VWA3B: variants seen among roughly 807,000 people sequenced by gnomAD.
The protein encoded by VWA3B is von Willebrand factor A domain-containing protein 3B.
Under a neutral mutation model 158.3 loss-of-function variants are expected in VWA3B, and 138 were observed. That is an observed-to-expected ratio of 0.87 (90% CI 0.76 to 1.00). The LOEUF (loss-of-function observed/expected upper bound fraction) is 1.00. Ranked by LOEUF, VWA3B falls within the 50% of genes least tolerant of loss-of-function variation. The probability of loss-of-function intolerance (pLI) is 0.00; values close to 1 mark genes in which losing one functional copy is unlikely to be tolerated. For missense variants in VWA3B, 1,555 were observed against 1,565.1 expected, an observed-to-expected ratio of 0.99 and a Z score of 0.11; for synonymous variants, 596 against 587.3, an observed-to-expected ratio of 1.01 and a Z score of -0.21.
At chr2:98,154,653 C>T (rs923061450) in intron 7 of VWA3B, among the ~76,000 whole-genome samples, 4 of 152,212 alleles carry the variant, frequency 2.6e-5, no homozygotes, top group African/African-American at 9.6e-5. Context: ...TCAGCCAGTG[C>T]AATCAGCTCC....
intron 22 of VWA3B, 30 bp from the exon 23 acceptor site, chr2:98,290,481 C>T (rs528470749): frequency 6.7e-7 from 1 of 1,501,718 alleles, no homozygotes; most frequent in South Asian, 1.3e-5. Flanking sequence ...CACTTTTTCT[C>T]ATCAATTATT....
chr2:98,183,628 C>A (rs1383702607), intron 9 of VWA3B, among the ~76,000 whole-genome samples: 1 of 152,140 alleles, frequency 6.6e-6, no homozygotes, highest in African/African-American at 2.4e-5. Flanking sequence ...GCCTGATGTT[C>A]AAAAACCCAT....
At chr2:98,236,892 G>T in intron 19 of VWA3B, 162 bp downstream of exon 19, 1 of 1,071,654 alleles carries the variant, frequency 9.3e-7, no homozygotes, top group Non-Finnish European at 1.3e-6. Flanking sequence ...AGGCTTTTAA[G>T]AATTTGGGCG....
intron 26 of VWA3B, 24 bp from the exon 27 acceptor site, chr2:98,311,795 A>G (rs1574334018): frequency 6.4e-7 from 1 of 1,562,638 alleles, no homozygotes; most frequent in Non-Finnish European, 8.7e-7. Flanking sequence ...AGGCAGGGTA[A>G]CCCTGATCTC....
intron 19 of VWA3B, among the ~76,000 whole-genome samples, chr2:98,248,446 C>G (rs888251057): frequency 6.6e-6 from 1 of 152,112 alleles, no homozygotes; most frequent in Admixed American, 6.5e-5. Context: ...ATCCCCCAAC[C>G]CTCATGGGCT....
At chr2:98,213,629 G>A (rs72948974) in intron 13 of VWA3B, among the ~76,000 whole-genome samples, 3,364 of 152,194 alleles carry the variant, frequency 0.022, 116 homozygotes, top group African/African-American at 0.078. Flanking sequence ...TGATATTAAC[G>A]GATTGAAATG....
At chr2:98,144,156 G>T (rs553556013) in intron 7 of VWA3B, among the ~76,000 whole-genome samples, 1 of 152,140 alleles carries the variant, frequency 6.6e-6, no homozygotes, top group Non-Finnish European at 1.5e-5. Context: ...TGTATGGATG[G>T]ATGGATATAT....
intron 19 of VWA3B, among the ~76,000 whole-genome samples, chr2:98,239,091 G>A (rs550311057): frequency 4.6e-5 from 7 of 152,216 alleles, no homozygotes; most frequent in Non-Finnish European, 8.8e-5. Context: ...GCTAGTGAGA[G>A]TATAAATTGG....
In VWA3B at chr2:98,168,733, C is replaced by T. The variant is rs145695843; in HGVS notation, c.1114+5757C>T. Among the ~76,000 whole-genome samples, 14 of 151,898 alleles carry T rather than the reference C, an allele frequency of 9.2e-5. No individual in the cohort carries two copies. In the South Asian group the frequency reaches 1.2e-3, roughly 14 times the overall value. Reference sequence around the variant, plus strand: ...ATGGAATCAATAGCAGATTAGACATCGCAGGAAAAGAGATGAGTGGACTTG... The same window carrying T: ...ATGGAATCAATAGCAGATTAGACATTGCAGGAAAAGAGATGAGTGGACTTG... On this transcript the variant is annotated intron_variant, in intron 8 of 27. Coordinates refer to ENST00000477737, the MANE Select transcript of VWA3B (RefSeq NM_144992.5).
intron 22 of VWA3B, among the ~76,000 whole-genome samples, chr2:98,274,924 G>A (rs918553722): frequency 1.1e-4 from 17 of 152,164 alleles, no homozygotes; most frequent in Non-Finnish European, 2.9e-5. Flanking sequence ...CTTCTGCCTT[G>A]GACAACTGTA....
chr2:98,216,255 T>A (rs1683979309), intron 13 of VWA3B, among the ~76,000 whole-genome samples: 1 of 152,256 alleles, frequency 6.6e-6, no homozygotes, highest in Non-Finnish European at 1.5e-5. Context: ...CATATACACA[T>A]TGGATAAGTG....
the VWA3B span, among the ~76,000 whole-genome samples, chr2:98,324,447 G>A: frequency 2.2e-4 from 33 of 152,200 alleles, no homozygotes; most frequent in Non-Finnish European, 3.1e-4. Flanking sequence ...AGAGGTGTGA[G>A]TCACCACAGC....
At chr2:98,232,881 G>A (rs554284803) in intron 16 of VWA3B, among the ~76,000 whole-genome samples, 1 of 152,280 alleles carries the variant, frequency 6.6e-6, no homozygotes, top group East Asian at 1.9e-4. Flanking sequence ...TCTGAGGGGA[G>A]AGTTGCAGCA....
intron 7 of VWA3B, among the ~76,000 whole-genome samples, chr2:98,147,148 T>C (rs1412094897): frequency 6.6e-6 from 1 of 152,250 alleles, no homozygotes; most frequent in African/African-American, 2.4e-5. Flanking sequence ...TTTCATCCTT[T>C]GTTTTGTTCT....
chr2:98,142,198 G>A (rs1023452452), intron 7 of VWA3B, among the ~76,000 whole-genome samples: 4 of 152,068 alleles, frequency 2.6e-5, no homozygotes, highest in Admixed American at 6.5e-5. Context: ...CCTTATTGCC[G>A]CTTCAGGCTG....
At chr2:98,287,557 A>G (rs2105938388) in intron 22 of VWA3B, among the ~76,000 whole-genome samples, 1 of 152,202 alleles carries the variant, frequency 6.6e-6, no homozygotes, top group East Asian at 1.9e-4. Flanking sequence ...ATTTCTGTTA[A>G]CAGTCATCAA....
At chr2:98,116,588 C>G (rs982719695) in intron 3 of VWA3B, among the ~76,000 whole-genome samples, 9 of 152,134 alleles carry the variant, frequency 5.9e-5, no homozygotes, top group Admixed American at 1.3e-4. Context: ...CTCACTGCAG[C>G]CTTGACCTCC....
At chr2:98,280,795 G>C (rs1574269577) in intron 22 of VWA3B, among the ~76,000 whole-genome samples, 2 of 152,210 alleles carry the variant, frequency 1.3e-5, no homozygotes. Flanking sequence ...AAGTGCCTAA[G>C]ACTACTGGAA....
At chr2:98,192,799 G>A (rs1413715427) in intron 10 of VWA3B, 99 bp from the exon 11 acceptor site, 18 of 1,513,298 alleles carry the variant, frequency 1.2e-5, no homozygotes, top group Admixed American at 1.7e-5. Flanking sequence ...ACAACATAGC[G>A]CAGCTCTGTC....
Sources: gnomAD v4.1 joint callset for allele counts (sites outside exome capture counted in the v4.1 genomes callset) on GRCh38, gnomAD v4.1.1 for gene constraint, MANE v1.5 for transcripts, NCBI Gene and HGNC (gene_info 2026-07-23, HGNC 2026-07-21) for gene names.